Variants in ADAMTSL1 observed in about 807,000 individuals in gnomAD.
ADAMTSL1 encodes ADAMTS like 1, also known as ADAMTS-like protein 1.
In ADAMTSL1, 126 loss-of-function variants were observed where a neutral mutation model predicts 201.8. That is an observed-to-expected ratio of 0.62 (90% confidence interval 0.54 to 0.72). ADAMTSL1 has a LOEUF of 0.72. ADAMTSL1 is among the 30% of genes least tolerant of loss of function. The pLI is 0.00. For synonymous variants in ADAMTSL1, 1,121 were observed against 903.4 expected (o/e 1.24, Z -4.32); for missense variants, 2,679 against 2,277.8 (o/e 1.18, Z -3.59).
At chr9:18,818,895 C>T (rs996543470) in intron 21 of ADAMTSL1, among the ~76,000 whole-genome samples, 1 of 152,136 alleles carries the variant, frequency 6.6e-6, no homozygotes, top group African/African-American at 2.4e-5. Flanking sequence ...TCCCTTCCAG[C>T]CTCATCAGTG....
intron 1 of ADAMTSL1, among the ~76,000 whole-genome samples, chr9:18,000,675 T>C (rs1293024151): frequency 1.3e-5 from 2 of 152,078 alleles, no homozygotes; most frequent in African/African-American, 4.8e-5. Flanking sequence ...TAGCACTGGT[T>C]GTTGGCAAGC....
chr9:18,396,578 TA>T (rs1306011283), intron 2 of ADAMTSL1, among the ~76,000 whole-genome samples: 1 of 148,348 alleles, frequency 6.7e-6, no homozygotes, highest in African/African-American at 2.4e-5. Context: ...AATTTTACAT[TA>T]ATAAATATTA....
intron 2 of ADAMTSL1, among the ~76,000 whole-genome samples, chr9:18,370,535 A>G (rs1836998873): frequency 6.6e-6 from 1 of 152,228 alleles, no homozygotes; most frequent in African/African-American, 2.4e-5. Context: ...CAATGGCTCA[A>G]TAAATGATAG....
At chr9:18,346,175 T>A (rs1835705213) in intron 2 of ADAMTSL1, among the ~76,000 whole-genome samples, 1 of 152,188 alleles carries the variant, frequency 6.6e-6, no homozygotes, top group South Asian at 2.1e-4. Flanking sequence ...CAAACATGAA[T>A]CCCTACAATG....
intron 2 of ADAMTSL1, among the ~76,000 whole-genome samples, chr9:18,167,091 A>G (rs142636570): frequency 8.5e-5 from 13 of 152,060 alleles, no homozygotes; most frequent in African/African-American, 3.1e-4. Flanking sequence ...CATGTATATG[A>G]TTTGCATTGT....
chr9:18,777,113 G>T lies in ADAMTSL1; in HGVS notation c.2884G>T (p.Gly962Ter). 4 of 1,613,090 alleles carry T rather than the reference G, an allele frequency of 2.5e-6. No individual in the cohort carries two copies. Among genetic ancestry groups the T allele is most frequent in the South Asian group, 1.1e-5 (1 of 91,074 alleles). ...GGAGCACTTTGTGATTAAGCTCATC[G>T]GAGGCAACCGCAAGCTCGTGGCCCG... ...AREHFVIKLI[G>*]GNRKLVARPL... Residue 962 changes from glycine (G) to a stop codon, truncating the protein, a stop_gained, in exon 19 of 29, where the codon GGA (glycine) becomes TGA (stop). Coordinates refer to ENST00000380548, the MANE Select transcript of ADAMTSL1 (RefSeq NM_001040272.6). LOFTEE classifies it high-confidence loss of function.
chr9:18,298,713 G>A (rs1479685423), intron 2 of ADAMTSL1, among the ~76,000 whole-genome samples: 4 of 151,212 alleles, frequency 2.6e-5, no homozygotes, highest in Non-Finnish European at 5.9e-5. Flanking sequence ...GTTTTCTCCT[G>A]TAATTAGTGT....
At chr9:18,688,663 A>AAAAG (rs1269459089) in intron 13 of ADAMTSL1, among the ~76,000 whole-genome samples, 1 of 16,784 alleles carries the variant, frequency 6.0e-5, no homozygotes. Flanking sequence ...GCATTTCAAA[A>AAAAG]AAAAAAAAAA....
At chr9:18,258,945 C>A (rs1831804672) in intron 2 of ADAMTSL1, among the ~76,000 whole-genome samples, 2 of 152,196 alleles carry the variant, frequency 1.3e-5, no homozygotes, top group African/African-American at 4.8e-5. Context: ...AGTGAACATT[C>A]CTCAGTCCTT....
At chr9:18,622,728 G>C (rs759262677) in intron 5 of ADAMTSL1, 7 of 391,324 alleles carry the variant, frequency 1.8e-5, no homozygotes, top group Non-Finnish European at 2.3e-5. Flanking sequence ...AACGAGGAAA[G>C]TGGGAAGATA....
intron 23 of ADAMTSL1, among the ~76,000 whole-genome samples, chr9:18,859,412 G>A (rs1204608381): frequency 6.6e-6 from 1 of 152,192 alleles, no homozygotes; most frequent in Non-Finnish European, 1.5e-5. Context: ...CATAATCGAG[G>A]ATAATCCCCC....
chr9:18,479,692 A>G (rs906006594), intron 1 of ADAMTSL1, among the ~76,000 whole-genome samples: 1 of 152,092 alleles, frequency 6.6e-6, no homozygotes, highest in Non-Finnish European at 1.5e-5. Context: ...GCTGTGGGGG[A>G]CAGCAGAAGG....
At chr9:18,004,252 C>T (rs1333709378) in intron 1 of ADAMTSL1, among the ~76,000 whole-genome samples, 1 of 151,858 alleles carries the variant, frequency 6.6e-6, no homozygotes, top group African/African-American at 2.4e-5. Context: ...AAATGTTAAA[C>T]AGAAAATTTG....
intron 26 of ADAMTSL1, among the ~76,000 whole-genome samples, chr9:18,897,520 C>T (rs1829720735): frequency 6.6e-6 from 1 of 152,234 alleles, no homozygotes; most frequent in Non-Finnish European, 1.5e-5. Context: ...AAGGGGCAGG[C>T]TGCCATCTTT....
At chr9:18,902,812 G>A (rs1477634614) in intron 26 of ADAMTSL1, among the ~76,000 whole-genome samples, 2 of 152,082 alleles carry the variant, frequency 1.3e-5, no homozygotes, top group Admixed American at 1.3e-4. Flanking sequence ...AACCAAAATA[G>A]ACAAACTTTT....
At chr9:18,827,823 T>G (rs1824679324) in intron 22 of ADAMTSL1, among the ~76,000 whole-genome samples, 1 of 152,196 alleles carries the variant, frequency 6.6e-6, no homozygotes. Flanking sequence ...CTTCCCCATT[T>G]TCATCAAACT....
chr9:18,471,439 A>G (rs1821206728), upstream of ADAMTSL1, among the ~76,000 whole-genome samples: 1 of 152,206 alleles, frequency 6.6e-6, no homozygotes, highest in Non-Finnish European at 1.5e-5. Flanking sequence ...CTTAATTTCA[A>G]AAAGTAGTCA....
intron 1 of ADAMTSL1, among the ~76,000 whole-genome samples, chr9:18,100,029 T>A (rs1305334286): frequency 6.6e-6 from 1 of 152,198 alleles, no homozygotes; most frequent in Non-Finnish European, 1.5e-5. Flanking sequence ...TTTTTCTAAG[T>A]GCAGTCACTT....
intron 2 of ADAMTSL1, among the ~76,000 whole-genome samples, chr9:18,331,656 A>G (rs1835032996): frequency 2.0e-5 from 3 of 152,186 alleles, no homozygotes; most frequent in Non-Finnish European, 1.5e-5. Context: ...AAACAAAAAC[A>G]AAAACAATTT....
Sources: gnomAD v4.1 joint callset for allele counts (sites outside exome capture counted in the v4.1 genomes callset) on GRCh38, gnomAD v4.1.1 for gene constraint, MANE v1.5 for transcripts, NCBI Gene and HGNC (gene_info 2026-07-23, HGNC 2026-07-21) for gene names.